Variants in VWA3B observed in about 807,000 individuals in gnomAD.
VWA3B encodes von Willebrand factor A domain-containing protein 3B.
Under a neutral mutation model 158.3 loss-of-function variants are expected in VWA3B, and 138 were observed. The observed-to-expected ratio is 0.87, with a 90% CI of 0.76 to 1.00. The LOEUF (loss-of-function observed/expected upper bound fraction) is 1.00, where lower values mean the gene tolerates loss of function less well. Among genes scored for constraint, VWA3B ranks in the 50% least tolerant of loss-of-function variants. VWA3B has a pLI of 0.00. For missense variants in VWA3B, 1,555 were observed against 1,565.1 expected, an observed-to-expected ratio of 0.99 and a Z score of 0.11; for synonymous variants, 596 against 587.3, an observed-to-expected ratio of 1.01 and a Z score of -0.21.
At chr2:98,308,378 T>C (rs1275327679) in intron 26 of VWA3B, among the ~76,000 whole-genome samples, 1 of 152,230 alleles carries the variant, frequency 6.6e-6, no homozygotes, top group East Asian at 1.9e-4. Flanking sequence ...AGCTTTCTGC[T>C]ACATTCCATG....
At chr2:98,189,518 G>A (rs1216809749) in intron 10 of VWA3B, among the ~76,000 whole-genome samples, 4 of 152,000 alleles carry the variant, frequency 2.6e-5, no homozygotes, top group Non-Finnish European at 5.9e-5. Context: ...GACCTGTTTT[G>A]TAGTACAGAT....
Position 98,182,183 on chromosome 2 carries a change from C to T in VWA3B, c.1311+971C>T, listed in dbSNP as rs115180515. On this transcript the variant is annotated intron_variant, in intron 9 of 27. Coordinates refer to ENST00000477737, the MANE Select transcript of VWA3B (RefSeq NM_144992.5). ...AGACACCTGGGAAAGAAAATCAAGGCCCCCCCCTCAAATGCAGTGTCACCT... is the reference window on the plus strand; with the variant it reads ...AGACACCTGGGAAAGAAAATCAAGGTCCCCCCCTCAAATGCAGTGTCACCT... 4.0e-3 allele frequency among the ~76,000 whole-genome samples: 613 copies of T among 151,676 alleles called. 5 individuals carry two copies. Among genetic ancestry groups the T allele is most frequent in the African/African-American group, 0.014 (568 of 41,318 alleles).
chr2:98,151,750 A>G (rs367737470), intron 7 of VWA3B, among the ~76,000 whole-genome samples: 24 of 152,370 alleles, frequency 1.6e-4, no homozygotes, highest in African/African-American at 5.3e-4. Flanking sequence ...TTCCTCATTT[A>G]TAAAAATCGG....
At chr2:98,183,712 G>T (rs529248055) in intron 9 of VWA3B, among the ~76,000 whole-genome samples, 2 of 152,132 alleles carry the variant, frequency 1.3e-5, no homozygotes, top group African/African-American at 4.8e-5. Context: ...GTGATATGGC[G>T]GAAGGCACAC....
chr2:98,229,437 T>C (rs1685173160), intron 15 of VWA3B, among the ~76,000 whole-genome samples: 1 of 152,208 alleles, frequency 6.6e-6, no homozygotes, highest in Non-Finnish European at 1.5e-5. Flanking sequence ...GAGCAGAAAT[T>C]GCTCTGGAAG....
rs1390712744 is a variant in VWA3B, at chr2:98,230,034, A to T, written c.2151-16A>T. 1 of 1,556,516 alleles carries T rather than the reference A, an allele frequency of 6.4e-7. No individual in the cohort carries two copies. Among genetic ancestry groups the T allele is most frequent in the Non-Finnish European group, 8.6e-7 (1 of 1,158,606 alleles). On this transcript the variant is annotated splice_polypyrimidine_tract_variant and intron_variant, in intron 15 of 27. Coordinates refer to ENST00000477737, the MANE Select transcript of VWA3B (RefSeq NM_144992.5). The stretch of plus-strand genomic sequence containing the variant: ...TCTCTCTTTTTTTGCTCGACTTTTT[A>T]TCTAAATCAAAACAGGCATCAAAAG...
At chr2:98,161,566 G>A (rs765936243) in intron 7 of VWA3B, among the ~76,000 whole-genome samples, 2 of 151,664 alleles carry the variant, frequency 1.3e-5, no homozygotes, top group Non-Finnish European at 2.9e-5. Context: ...GAAAGAGTGT[G>A]GATCTGTTTT....
chr2:98,121,320 G>C lies in VWA3B; in HGVS notation c.564G>C (p.Lys188Asn). ...TCAGGGTTTCTCAAGAGCCTGTGAA[G>C]TGGCAGGAAAATGCTACTCCTGTGA... ...NIIRVSQEPV[K>N]WQENATPVTE... Residue 188 changes from lysine to asparagine, a missense_variant, in exon 5 of 28, where the codon AAG becomes AAC. Lys to Asn is a moderately conservative substitution (Grantham distance 94). Transcript: ENST00000477737. 4 of 1,613,892 alleles carry C rather than the reference G, an allele frequency of 2.5e-6. No individual in the cohort carries two copies. Among genetic ancestry groups the C allele is most frequent in the Non-Finnish European group, 3.4e-6 (4 of 1,179,754 alleles).
At position 98,248,879 on chromosome 2, in the gene VWA3B, CTTTCTCTCT is replaced by C. The variant is rs1686605276; in HGVS notation, c.2674-1436_2674-1428del. On this transcript the variant is annotated intron_variant, in intron 19 of 27. Coordinates refer to ENST00000477737, the MANE Select transcript of VWA3B (RefSeq NM_144992.5). ...TCTTTCTTTCTTTCTTTCTTTCTTT[CTTTCTCTCT>C]TTCCTTTCTTTCTTCTTTCTTTCTC... Among the ~76,000 whole-genome samples, 175 of 34,540 alleles carry C rather than the reference CTTTCTCTCT, an allele frequency of 5.1e-3. 2 individuals are homozygous for C. Among genetic ancestry groups the C allele is most frequent in the Non-Finnish European group, 7.6e-3 (135 of 17,868 alleles). The allele number at this position is 34,540 out of a possible 152,430, so 22.7% of individuals were successfully genotyped here.
chr2:98,189,231 C>T (rs1574031490), intron 10 of VWA3B, among the ~76,000 whole-genome samples: 2 of 152,244 alleles, frequency 1.3e-5, no homozygotes, highest in Admixed American at 1.3e-4. Context: ...CATAGTGAAA[C>T]CCTGTCTCTA....
At chr2:98,169,433 T>A (rs1679386211) in intron 8 of VWA3B, among the ~76,000 whole-genome samples, 2 of 148,688 alleles carry the variant, frequency 1.3e-5, no homozygotes, top group Non-Finnish European at 1.5e-5. Flanking sequence ...AAAATGGAAT[T>A]AAAAATACCC....
chr2:98,236,672 A>G lies in VWA3B; in HGVS notation c.2615A>G (p.His872Arg). Residue 872 changes from histidine (H) to arginine (R), a missense_variant, in exon 19 of 28, where the codon CAC (histidine) becomes CGC (arginine). His to Arg is a conservative substitution (Grantham distance 29). Coordinates refer to ENST00000477737, the MANE Select transcript of VWA3B (RefSeq NM_144992.5). ...GCCTTGTCAGTGGCAGCAGTCCCGCACAGCTCCACCTATGTTCCCGTCCTG... is the reference window on the plus strand; with the variant it reads ...GCCTTGTCAGTGGCAGCAGTCCCGCGCAGCTCCACCTATGTTCCCGTCCTG... ...MDALSVAAVPHSSTYVPVLDK... is the reference protein window; with the variant it reads ...MDALSVAAVPRSSTYVPVLDK... 1.2e-6 allele frequency: 2 copies of G among 1,614,220 alleles called. No homozygotes were observed. The highest frequency in any genetic ancestry group is 1.7e-6 in the Non-Finnish European group (2 of 1,180,046).
At chr2:98,113,778 C>A (rs776735641) in intron 2 of VWA3B, among the ~76,000 whole-genome samples, 16 of 152,176 alleles carry the variant, frequency 1.1e-4, no homozygotes, top group Non-Finnish European at 1.9e-4. Context: ...TCTTTTGTGA[C>A]TGGCCTCTTT....
intron 22 of VWA3B, among the ~76,000 whole-genome samples, chr2:98,281,993 T>C (rs901547554): frequency 6.6e-6 from 1 of 152,128 alleles, no homozygotes; most frequent in African/African-American, 2.4e-5. Context: ...TAGACCTCGG[T>C]AGTTTGCATG....
intron 12 of VWA3B, among the ~76,000 whole-genome samples, chr2:98,203,448 C>T (rs1362095536): frequency 2.0e-5 from 3 of 152,148 alleles, no homozygotes; most frequent in African/African-American, 7.2e-5. Flanking sequence ...TGAAAACAAA[C>T]TTCTTTATGC....
intron 21 of VWA3B, among the ~76,000 whole-genome samples, chr2:98,269,080 A>G (rs1269077109): frequency 3.3e-5 from 5 of 152,052 alleles, no homozygotes; most frequent in South Asian, 2.1e-4. Flanking sequence ...TATTTTGCTC[A>G]TTTGATTGGG....
intron 26 of VWA3B, among the ~76,000 whole-genome samples, chr2:98,308,224 A>AG (rs1271759974): frequency 6.6e-6 from 1 of 152,204 alleles, no homozygotes; most frequent in African/African-American, 2.4e-5. Context: ...GAAACCAGCT[A>AG]GGCGGGTGCA....
At chr2:98,128,106 C>G in intron 5 of VWA3B, 133 bp from the exon 6 acceptor site, 1 of 1,103,062 alleles carries the variant, frequency 9.1e-7, no homozygotes, top group Non-Finnish European at 1.3e-6. Flanking sequence ...CCTCAGAAAA[C>G]CCTGGGCAGG....
the VWA3B span, among the ~76,000 whole-genome samples, chr2:98,325,085 TGAGAA>T: frequency 2.0e-5 from 3 of 152,158 alleles, no homozygotes; most frequent in Non-Finnish European, 4.4e-5. Context: ...AGTTTTAAGA[TGAGAA>T]GAGAGAGATA....
Sources: allele counts gnomAD v4.1 joint callset (sites outside exome capture counted in the v4.1 genomes callset), GRCh38; gene constraint gnomAD v4.1.1; transcripts MANE v1.5; gene names NCBI Gene and HGNC (gene_info 2026-07-23, HGNC 2026-07-21).